NUP210: variants seen among roughly 807,000 people sequenced by gnomAD.
NUP210 encodes the protein nucleoporin 210.
Under a neutral mutation model 196.0 loss-of-function variants are expected in NUP210, and 151 were observed. The ratio of observed to expected loss-of-function variants is 0.77; its 90% confidence interval spans 0.67 to 0.88. The LOEUF (loss-of-function observed/expected upper bound fraction) is 0.88, where lower values mean the gene tolerates loss of function less well. NUP210 is among the 40% of genes least tolerant of loss of function. NUP210 has a pLI of 0.00. For synonymous variants in NUP210, 1,070 were observed against 1,052.7 expected (o/e 1.02, Z -0.32); for missense variants, 2,314 against 2,493.7 (o/e 0.93, Z 1.53).
chr3:13,322,160 A>C (rs752521276), intron 35 of NUP210, 33 bp downstream of exon 35: 1 of 1,612,866 alleles, frequency 6.2e-7, no homozygotes, highest in East Asian at 2.2e-5. Flanking sequence ...GACTGTCTCC[A>C]AGTCCCTTTC....
chr3:13,319,352 C>T, intron 37 of NUP210, 27 bp from the exon 38 acceptor site: 1 of 1,571,078 alleles, frequency 6.4e-7, no homozygotes, highest in East Asian at 2.3e-5. Flanking sequence ...GATGAGTTAC[C>T]AAAACCACCA....
In NUP210 at chr3:13,377,547, G is replaced by C; in HGVS notation, c.1061C>G (p.Pro354Arg). Residue 354 changes from proline to arginine, a missense_variant, in exon 9 of 40, where the codon CCT becomes CGT. By Grantham distance (103) the Pro-to-Arg change is moderately radical. Transcript: ENST00000254508. ...GGTCTCCAGCACCCACCTGTCACCA[G>C]GGTGAACAGTGAACCCTAAAACAGG... Reference protein sequence around the residue: ...EPGYLGFTVHPGDRWVLETGR... With the variant: ...EPGYLGFTVHRGDRWVLETGR... 1 of 1,613,442 alleles carries C rather than the reference G, an allele frequency of 6.2e-7. No individual in the cohort carries two copies. The highest frequency in any genetic ancestry group is 1.3e-5 in the African/African-American group (1 of 74,992).
At chr3:13,375,142 C>CTTTTTTTTTTTT (rs76945178) in intron 11 of NUP210, among the ~76,000 whole-genome samples, 5 of 138,432 alleles carry the variant, frequency 3.6e-5, no homozygotes, top group Non-Finnish European at 6.2e-5. Context: ...TATTTTTTCT[C>CTTTTTTTTTTTT]TTTTTTTTTT....
intron 39 of NUP210, 47 bp downstream of exon 39, chr3:13,319,025 C>T: frequency 6.5e-7 from 1 of 1,545,570 alleles, no homozygotes; most frequent in East Asian, 2.3e-5. Context: ...GGGCTCTTCT[C>T]TTTCTCAGCA....
chr3:13,330,507 C>G lies in NUP210; in HGVS notation c.4063G>C (p.Ala1355Pro). The G allele has an allele frequency of 6.2e-7, 1 of 1,614,220 alleles. No homozygotes were observed. The highest frequency in any genetic ancestry group is 8.5e-7 in the Non-Finnish European group (1 of 1,180,038). The change falls in exon 30 of 40, where the codon GCA becomes CCA. Residue 1355 changes from alanine to proline, a missense_variant. Coordinates refer to ENST00000254508, the MANE Select transcript of NUP210 (RefSeq NM_024923.4). Reference sequence around the variant, plus strand: ...TGGTTGGCCCCAAAGGGCTCTTGTGCAATCACTTCGATGGTGGATGTCCCG... The same window carrying G: ...TGGTTGGCCCCAAAGGGCTCTTGTGGAATCACTTCGATGGTGGATGTCCCG... ...MIGTSTIEVI[A>P]QEPFGANQTI...
In NUP210 at chr3:13,397,418, G is replaced by A; in HGVS notation, c.375C>T (p.Thr125=). The change falls in exon 3 of 40, where the codon ACC becomes ACT. Residue 125 remains threonine, a synonymous_variant. Coordinates refer to ENST00000254508, the MANE Select transcript of NUP210 (RefSeq NM_024923.4). ...GGGAGTCCTCCAGGTAGAGCTCGCG[G>A]GTGGTGGAGACGATCTGGATGTCAT... The part of the protein sequence containing the change: ...LIHDIQIVST[T]RELYLEDSPL... 1 of 1,613,386 alleles carries A rather than the reference G, an allele frequency of 6.2e-7. No individual in the cohort carries two copies. Among genetic ancestry groups the A allele is most frequent in the East Asian group, 2.2e-5 (1 of 44,780 alleles).
Position 13,366,512 on chromosome 3 carries a change from CTTTCT to C in NUP210, c.1787-426_1787-422del, listed in dbSNP as rs1178138140. Among the ~76,000 whole-genome samples the C allele has an allele frequency of 4.1e-3, 507 of 124,002 alleles. 5 individuals carry two copies. The highest frequency in any genetic ancestry group is 0.013 in the African/African-American group (425 of 31,784). The allele number at this position is 124,002 out of a possible 152,430, so 81.4% of individuals were successfully genotyped here. ...CCAGGCTTGATCCTTGATCTGATTT[CTTTCT>C]TTTTTTTTTTTTTTTTTTGAGATAG... On this transcript the variant is annotated intron_variant, in intron 13 of 39. Coordinates refer to ENST00000254508, the MANE Select transcript of NUP210 (RefSeq NM_024923.4).
At chr3:13,343,758 T>C (rs1328916363) in intron 20 of NUP210, among the ~76,000 whole-genome samples, 1 of 152,164 alleles carries the variant, frequency 6.6e-6, no homozygotes, top group Non-Finnish European at 1.5e-5. Flanking sequence ...AAGCACCCCA[T>C]GGGGTCTTCT....
At chr3:13,418,970 A>AAAAAAAG (rs1700441659) in intron 1 of NUP210, among the ~76,000 whole-genome samples, 1 of 131,636 alleles carries the variant, frequency 7.6e-6, no homozygotes, top group Non-Finnish European at 1.6e-5. Flanking sequence ...AAAAAAAAAA[A>AAAAAAAG]AAAGAAAGAA....
chr3:13,353,678 G>A lies in NUP210; in HGVS notation c.2522-18C>T, dbSNP rs1698062488. The A allele has an allele frequency of 1.2e-6, 2 of 1,608,600 alleles. No individual in the cohort carries two copies. The highest frequency in any genetic ancestry group is 2.7e-5 in the African/African-American group (2 of 74,814). On this transcript the variant is annotated intron_variant, in intron 17 of 39. Coordinates refer to ENST00000254508, the MANE Select transcript of NUP210 (RefSeq NM_024923.4). The stretch of plus-strand genomic sequence containing the variant: ...CTGCAAACCTGAGACCAGGAAGAAG[G>A]AAGCCACCGTTGGATGTCTGCCCAT...
chr3:13,340,650 G>T lies in NUP210; in HGVS notation c.3229-352C>A, dbSNP rs990112542. On this transcript the variant is annotated intron_variant, in intron 23 of 39. Transcript: ENST00000254508. This position sits in a 1 kb window ranked among gnomAD's most constrained non-coding sequence, Gnocchi z 4.0. ...CAGTGTGTGGTCACTAAGCAGCAAT[G>T]TCAGCAGCGCCTGGGGACACATTAG... Among the ~76,000 whole-genome samples, 14 of 152,284 alleles carry T rather than the reference G, an allele frequency of 9.2e-5. No individual in the cohort carries two copies. Among genetic ancestry groups the T allele is most frequent in the African/African-American group, 3.4e-4 (14 of 41,560 alleles).
At chr3:13,325,290 A>G (rs1217302115) in intron 33 of NUP210, among the ~76,000 whole-genome samples, 1 of 152,208 alleles carries the variant, frequency 6.6e-6, no homozygotes, top group African/African-American at 2.4e-5. Context: ...CTAAATATGC[A>G]AACAATTAGG....
At chr3:13,339,155 T>C (rs1323907127) in intron 25 of NUP210, among the ~76,000 whole-genome samples, 2 of 152,162 alleles carry the variant, frequency 1.3e-5, no homozygotes, top group African/African-American at 4.8e-5. Flanking sequence ...ATGAACTCAA[T>C]GACGGATCAC....
chr3:13,364,597 G>A (rs560171743), intron 14 of NUP210, among the ~76,000 whole-genome samples: 59 of 152,344 alleles, frequency 3.9e-4, no homozygotes, highest in African/African-American at 1.3e-3. Context: ...GGGAGGCTGA[G>A]GTGGGAGGAT....
intron 18 of NUP210, 115 bp from the exon 19 acceptor site, chr3:13,352,299 G>A: frequency 1.4e-6 from 1 of 704,090 alleles, no homozygotes; most frequent in South Asian, 1.8e-5. Context: ...CAAGCCCCTG[G>A]TGCTCCTGAG....
intron 3 of NUP210, among the ~76,000 whole-genome samples, chr3:13,397,007 C>T (rs1699679040): frequency 6.6e-6 from 1 of 152,126 alleles, no homozygotes; most frequent in Non-Finnish European, 1.5e-5. Flanking sequence ...GCCAAGAATG[C>T]TAGCTTCCCC....
Position 13,342,082 on chromosome 3 carries a change from C to T in NUP210, c.3006G>A (p.Leu1002=). The T allele has an allele frequency of 6.2e-7, 1 of 1,614,192 alleles. No individual in the cohort carries two copies. The highest frequency in any genetic ancestry group is 1.1e-5 in the South Asian group (1 of 91,080). Residue 1002 remains leucine (L), a synonymous_variant, in exon 22 of 40, where the codon CTG becomes CTA. Coordinates refer to ENST00000254508, the MANE Select transcript of NUP210 (RefSeq NM_024923.4). ...CAAGGAAGGGCTTCTTGTGCAAGTCCAGCACGCGGACGTATGCCTTCACTG... is the reference window on the plus strand; with the variant it reads ...CAAGGAAGGGCTTCTTGTGCAAGTCTAGCACGCGGACGTATGCCTTCACTG... ...GKTVKAYVRV[L]DLHKKPFLAK...
chr3:13,387,884 C>T (rs1699328126), intron 5 of NUP210, among the ~76,000 whole-genome samples: 1 of 152,080 alleles, frequency 6.6e-6, no homozygotes, highest in South Asian at 2.1e-4. Context: ...CCACCAGTCT[C>T]AGGGCTCCAA....
chr3:13,319,365 C>T (rs1336705705), intron 37 of NUP210, 40 bp from the exon 38 acceptor site: 1 of 1,506,262 alleles, frequency 6.6e-7, no homozygotes, highest in Non-Finnish European at 9.1e-7. Flanking sequence ...AACCACCAGG[C>T]CCACTGTGGC....
Sources: allele counts gnomAD v4.1 joint callset (sites outside exome capture counted in the v4.1 genomes callset), GRCh38; gene constraint gnomAD v4.1.1; non-coding constraint Gnocchi (gnomAD v3.1); transcripts MANE v1.5; gene names NCBI Gene and HGNC (gene_info 2026-07-23, HGNC 2026-07-21).